Variants in TXNRD1 observed in about 807,000 individuals in gnomAD.
The protein encoded by TXNRD1 is thioredoxin reductase 1, also known as thioredoxin reductase 1, cytoplasmic.
A neutral mutation model predicts 80.3 loss-of-function variants in TXNRD1; 57 were observed. The observed-to-expected ratio is 0.71, with a 90% confidence interval of 0.57 to 0.89. The LOEUF (loss-of-function observed/expected upper bound fraction) is 0.89, where lower values mean the gene tolerates loss of function less well. Ranked by LOEUF, TXNRD1 falls within the 40% of genes least tolerant of loss-of-function variation. The pLI is 0.00. For missense variants in TXNRD1, 730 were observed against 803.0 expected (o/e 0.91, Z 1.10); for synonymous variants, 291 against 285.2 (o/e 1.02, Z -0.20).
chr12:104,262,105 G>A (rs921290453), intron 3 of TXNRD1, among the ~76,000 whole-genome samples: 48 of 151,878 alleles, frequency 3.2e-4, no homozygotes, highest in African/African-American at 1.0e-3. Context: ...GGTGGTGGGC[G>A]CCTATTATCC....
chr12:104,286,746 T>A, intron 3 of TXNRD1: 1 of 1,021,344 alleles, frequency 9.8e-7, no homozygotes, highest in Non-Finnish European at 1.2e-6. Flanking sequence ...CATAGTCTAA[T>A]TTCTTCAGTA....
intron 3 of TXNRD1, among the ~76,000 whole-genome samples, chr12:104,259,716 G>C (rs1047834526): frequency 2.0e-5 from 3 of 151,774 alleles, no homozygotes; most frequent in Non-Finnish European, 4.4e-5. Flanking sequence ...TCGAACTCCT[G>C]ACCTCAGGTG....
intron 10 of TXNRD1, among the ~76,000 whole-genome samples, chr12:104,324,216 A>T (rs1309119777): frequency 6.6e-6 from 1 of 152,208 alleles, no homozygotes; most frequent in Non-Finnish European, 1.5e-5. Flanking sequence ...GATTAAAATT[A>T]AACAAGAAAG....
intron 4 of TXNRD1, chr12:104,291,077 G>C (rs370899104): frequency 2.9e-6 from 2 of 681,352 alleles, no homozygotes; most frequent in Admixed American, 2.2e-5. Flanking sequence ...CTAAAGTGCT[G>C]GGACTGCAGG....
At chr12:104,258,663 T>C (rs4964271) in intron 3 of TXNRD1, among the ~76,000 whole-genome samples, 124,636 of 152,168 alleles carry the variant, frequency 0.82, 51,158 homozygotes, top group East Asian at 0.89. Flanking sequence ...TGGTGACTCA[T>C]GCCTCTAATC....
intron 16 of TXNRD1, 66 bp downstream of exon 16, chr12:104,339,339 G>T: frequency 5.0e-6 from 8 of 1,598,116 alleles, no homozygotes; most frequent in Non-Finnish European, 6.8e-6. Context: ...ACACCACCCA[G>T]CTTATACATG....
intron 7 of TXNRD1, among the ~76,000 whole-genome samples, chr12:104,316,986 T>G (rs1402761887): frequency 6.6e-6 from 1 of 152,226 alleles, no homozygotes; most frequent in African/African-American, 2.4e-5. Context: ...AAACTAGTTA[T>G]GCTTCTCTTG....
In TXNRD1 at chr12:104,254,641, A is replaced by AACAAAACAAAAC. The variant is rs1441453811; in HGVS notation, c.243+2964_243+2965insCAAAACAAAACA. ...ACTCTATGTCTATGGAAAAAAAAAAAAAAATATATATATATATATATATAT... is the reference window on the plus strand; with the variant it reads ...ACTCTATGTCTATGGAAAAAAAAAAAACAAAACAAAACAAAATATATATATATATATATATAT... On this transcript the variant is annotated intron_variant, in intron 2 of 16. Transcript: ENST00000525566. Among the ~76,000 whole-genome samples, 123 of 129,598 alleles carry AACAAAACAAAAC rather than the reference A, an allele frequency of 9.5e-4. 7 individuals carry two copies. The highest frequency in any genetic ancestry group is 3.6e-3 in the African/African-American group (115 of 31,622). 85.0% of individuals were successfully genotyped at this position (129,598 alleles called of 152,430 possible). A position where few individuals can be genotyped will look rare whatever the true frequency, so the allele number is the denominator to read the frequency against.
chr12:104,344,030 G>C (rs1030181351), intron 16 of TXNRD1, among the ~76,000 whole-genome samples: 2 of 151,794 alleles, frequency 1.3e-5, no homozygotes. Flanking sequence ...TTGAATCTGG[G>C]AGGTGGAGGT....
chr12:104,348,661 C>T lies in TXNRD1; in HGVS notation c.*240C>T, dbSNP rs2036567443. On this transcript the variant is annotated 3_prime_UTR_variant, in exon 17 of 17. Coordinates refer to ENST00000525566, the MANE Select transcript of TXNRD1 (RefSeq NM_001093771.3). ...CATTTGGCAGGGCATCGAAGGGATG[C>T]ATCCATGAAGTCACCAGTCTCAAGC... 1.9e-6 allele frequency: 1 copy of T among 523,046 alleles called. No individual in the cohort carries two copies. The highest frequency in any genetic ancestry group is 3.1e-5 in the East Asian group (1 of 31,758). The allele number at this position is 523,046 out of a possible 1,614,324, so 32.4% of individuals were successfully genotyped here.
intron 3 of TXNRD1, among the ~76,000 whole-genome samples, chr12:104,278,845 G>A (rs1042425772): frequency 1.3e-5 from 2 of 152,052 alleles, no homozygotes; most frequent in Non-Finnish European, 2.9e-5. Flanking sequence ...TAAAACTGAG[G>A]ACCCCCTAAC....
chr12:104,287,450 C>G, intron 3 of TXNRD1: 1 of 1,612,600 alleles, frequency 6.2e-7, no homozygotes. Flanking sequence ...TCGTTTCTTA[C>G]AGAGTCCGAG....
At chr12:104,251,050 G>A (rs2033107732) in intron 1 of TXNRD1, among the ~76,000 whole-genome samples, 1 of 152,168 alleles carries the variant, frequency 6.6e-6, no homozygotes, top group South Asian at 2.1e-4. Context: ...AAGATCCTGT[G>A]TCTGCTTATC....
At chr12:104,273,977 C>T (rs916823606) in intron 3 of TXNRD1, among the ~76,000 whole-genome samples, 10 of 151,662 alleles carry the variant, frequency 6.6e-5, no homozygotes, top group South Asian at 6.3e-4. Flanking sequence ...GTGAGTTCTC[C>T]GGGAGGTGGA....
rs12297201 is a variant in TXNRD1 at position 104,310,074 on chromosome 12, A to G, written c.415-1216A>G. 1.7e-3 allele frequency: 2,611 copies of G among 1,532,180 alleles called. 42 individuals are homozygous for G. The African/African-American group carries it at 0.032, about 19-fold the overall frequency. The allele number at this position is 1,532,180 out of a possible 1,614,324, so 94.9% of individuals were successfully genotyped here. The stretch of plus-strand genomic sequence containing the variant: ...TCACCCCCTACATCTGATAGTAGGC[A>G]AGAGAGAAATGTGCAGTTTGGGCTG... On this transcript the variant is annotated intron_variant, in intron 4 of 16. Transcript: ENST00000525566.
chr12:104,218,254 G>A (rs545642451), intron 1 of TXNRD1, among the ~76,000 whole-genome samples: 23 of 152,058 alleles, frequency 1.5e-4, no homozygotes, highest in African/African-American at 1.9e-4. Flanking sequence ...TTGAACTCTT[G>A]ACCTCGTGAT....
In TXNRD1 at chr12:104,348,542, C is replaced by T. The variant is rs4987031; in HGVS notation, c.*121C>T. 1 of 900,162 alleles carries T rather than the reference C, an allele frequency of 1.1e-6. No individual in the cohort carries two copies. The highest frequency in any genetic ancestry group is 1.5e-5 in the South Asian group (1 of 66,434). The allele number at this position is 900,162 out of a possible 1,614,324, so 55.8% of individuals were successfully genotyped here. On this transcript the variant is annotated 3_prime_UTR_variant, in exon 17 of 17. Coordinates refer to ENST00000525566, the MANE Select transcript of TXNRD1 (RefSeq NM_001093771.3). Reference sequence around the variant, plus strand: ...TGGCACCTGCGTGTCCTGTGCTTACCACCGCCCAAGGCCCCCTTGGATCTC... The same window carrying T: ...TGGCACCTGCGTGTCCTGTGCTTACTACCGCCCAAGGCCCCCTTGGATCTC...
At chr12:104,330,744 G>A (rs756348100) in intron 13 of TXNRD1, among the ~76,000 whole-genome samples, 1 of 151,808 alleles carries the variant, frequency 6.6e-6, no homozygotes, top group African/African-American at 2.4e-5. Context: ...CTGCCACCAC[G>A]CCCAGCTAAT....
chr12:104,316,625 A>G (rs2035337052), intron 7 of TXNRD1, among the ~76,000 whole-genome samples: 1 of 152,100 alleles, frequency 6.6e-6, no homozygotes, highest in Non-Finnish European at 1.5e-5. Flanking sequence ...TCCTGACCTC[A>G]TGATCCACCT....
Sources: gnomAD v4.1 joint callset for allele counts (sites outside exome capture counted in the v4.1 genomes callset) on GRCh38, gnomAD v4.1.1 for gene constraint, MANE v1.5 for transcripts, NCBI Gene and HGNC (gene_info 2026-07-23, HGNC 2026-07-21) for gene names.